The following SLC30A8 variants were observed in gnomAD, a reference collection of about 807,000 sequenced individuals.
SLC30A8 encodes the protein proton-coupled zinc antiporter SLC30A8.
A neutral mutation model predicts 36.9 loss-of-function variants in SLC30A8; 27 were observed. The observed-to-expected ratio is 0.73, with a 90% CI of 0.54 to 1.01. The LOEUF (loss-of-function observed/expected upper bound fraction) is 1.01, where lower values mean the gene tolerates loss of function less well. Among genes scored for constraint, SLC30A8 ranks in the 50% least tolerant of loss-of-function variants. SLC30A8 has a pLI of 0.00. For synonymous variants in SLC30A8, 164 were observed against 172.4 expected (o/e 0.95, Z 0.38); for missense variants, 439 against 452.0 (o/e 0.97, Z 0.26).
At chr8:116,966,002 GC>G (rs1814588075) in intron 1 of SLC30A8, among the ~76,000 whole-genome samples, 1 of 151,246 alleles carries the variant, frequency 6.6e-6, no homozygotes, top group Non-Finnish European at 1.5e-5. Flanking sequence ...TCCTGCCTCA[GC>G]CTTCCAAGTA....
At chr8:117,112,513 G>A (rs374152876) in intron 2 of SLC30A8, among the ~76,000 whole-genome samples, 18 of 152,250 alleles carry the variant, frequency 1.2e-4, no homozygotes, top group East Asian at 7.8e-4. Context: ...AGCTGGGAGG[G>A]AGAAAGCCCC....
chr8:117,166,956 G>A (rs1238483391), intron 6 of SLC30A8, among the ~76,000 whole-genome samples: 3 of 151,636 alleles, frequency 2.0e-5, no homozygotes, highest in East Asian at 1.9e-4. Context: ...AATGGATAAC[G>A]GAGTCAAATG....
Position 117,176,375 on chromosome 8 carries a change from G to T in SLC30A8, c.*3694G>T, listed in dbSNP as rs1823688177. On this transcript the variant is annotated 3_prime_UTR_variant, in exon 8 of 8. Transcript: ENST00000456015. ...TAGCTCTAAAGTGCCTCCAGGAAAT[G>T]ATTTTCTCAGCTCATCTCTCTGTAT... The T allele has an allele frequency of 1.3e-5, 2 of 152,466 alleles. No homozygotes were observed. The highest frequency in any genetic ancestry group is 4.1e-4 in the South Asian group (2 of 4,826). The allele number at this position is 152,466 out of a possible 1,614,324, so 9.4% of individuals were successfully genotyped here.
At chr8:117,073,414 C>T (rs1047663130) in intron 2 of SLC30A8, among the ~76,000 whole-genome samples, 1 of 151,948 alleles carries the variant, frequency 6.6e-6, no homozygotes, top group Non-Finnish European at 1.5e-5. Flanking sequence ...CCATCATGCC[C>T]AGCTAACTTG....
intron 2 of SLC30A8, among the ~76,000 whole-genome samples, chr8:117,090,499 C>G (rs909191686): frequency 1.3e-5 from 2 of 152,172 alleles, no homozygotes; most frequent in African/African-American, 4.8e-5. Context: ...AAAGCACTGG[C>G]AGATTTGTTG....
chr8:117,029,217 T>G (rs1294042511), intron 1 of SLC30A8, among the ~76,000 whole-genome samples: 1 of 152,198 alleles, frequency 6.6e-6, no homozygotes, highest in African/African-American at 2.4e-5. Context: ...GTCGATGAGT[T>G]CATGATCTTA....
chr8:117,172,784 A>C lies in SLC30A8; in HGVS notation c.*103A>C, dbSNP rs531402641. ...AATAAGGAACCAAAGGAAGAAATTC[A>C]TGTCATGGTGCAATGCACATTTTAT... On this transcript the variant is annotated 3_prime_UTR_variant, in exon 8 of 8. Coordinates refer to ENST00000456015, the MANE Select transcript of SLC30A8 (RefSeq NM_173851.3). 16 of 1,375,470 alleles carry C rather than the reference A, an allele frequency of 1.2e-5. No homozygotes were observed. The highest frequency in any genetic ancestry group is 1.6e-5 in the Non-Finnish European group (16 of 988,650). The allele number at this position is 1,375,470 out of a possible 1,614,324, so 85.2% of individuals were successfully genotyped here. A position where few individuals can be genotyped will look rare whatever the true frequency, so the allele number is the denominator to read the frequency against.
intron 1 of SLC30A8, among the ~76,000 whole-genome samples, chr8:117,021,436 CCA>C (rs903210985): frequency 1.3e-5 from 2 of 152,092 alleles, no homozygotes; most frequent in South Asian, 2.1e-4. Flanking sequence ...CTCCAACCAG[CCA>C]CAGTGTCCTC....
chr8:117,148,507 TTAAC>T (rs1272870117), intron 2 of SLC30A8, among the ~76,000 whole-genome samples: 13 of 152,162 alleles, frequency 8.5e-5, no homozygotes, highest in Non-Finnish European at 1.3e-4. Flanking sequence ...GATTTTTAAT[TTAAC>T]AAAGAAAAGC....
chr8:117,077,802 T>C (rs182535102), intron 2 of SLC30A8, among the ~76,000 whole-genome samples: 97 of 152,352 alleles, frequency 6.4e-4, no homozygotes, highest in Admixed American at 1.6e-3. Context: ...TTCAGATTAT[T>C]GGCAATCTTT....
intron 2 of SLC30A8, among the ~76,000 whole-genome samples, chr8:117,086,461 T>C (rs1818881683): frequency 6.6e-6 from 1 of 152,226 alleles, no homozygotes. Flanking sequence ...GCAATGACAA[T>C]ATATTTTTCA....
intron 2 of SLC30A8, among the ~76,000 whole-genome samples, chr8:117,148,360 T>G (rs1269978846): frequency 6.6e-6 from 1 of 152,142 alleles, no homozygotes; most frequent in Admixed American, 6.5e-5. Context: ...TTTTTATATT[T>G]CTTTAATCAC....
chr8:116,979,511 A>G (rs1815183557), intron 1 of SLC30A8, among the ~76,000 whole-genome samples: 1 of 152,156 alleles, frequency 6.6e-6, no homozygotes, highest in Admixed American at 6.5e-5. Flanking sequence ...TGAGACTTTA[A>G]CGAATCTTTG....
chr8:117,054,098 CTTTT>C (rs4060800), intron 2 of SLC30A8, among the ~76,000 whole-genome samples: 10 of 124,130 alleles, frequency 8.1e-5, no homozygotes, highest in African/African-American at 2.2e-4. Flanking sequence ...CTGCAAAAAT[CTTTT>C]TTTTTTTTTT....
intron 2 of SLC30A8, among the ~76,000 whole-genome samples, chr8:117,119,859 GA>G (rs1820615778): frequency 6.6e-6 from 1 of 151,734 alleles, no homozygotes; most frequent in South Asian, 2.1e-4. Context: ...TATCAGAAAA[GA>G]AAATTAAGAA....
At chr8:117,111,378 G>GTA (rs1820219542) in intron 2 of SLC30A8, among the ~76,000 whole-genome samples, 1 of 152,160 alleles carries the variant, frequency 6.6e-6, no homozygotes, top group Non-Finnish European at 1.5e-5. Context: ...GACTTTAGCA[G>GTA]TAGACCACTC....
rs890099862 is a variant in SLC30A8 at position 117,176,673 on chromosome 8, ATGT to A, written c.*3994_*3996del. Reference sequence around the variant, plus strand: ...GCACCTGTTTAAATTCTATTTTAAAATGTTAATGTGTGTTGTTTAAAATAAAAT... The same window carrying A: ...GCACCTGTTTAAATTCTATTTTAAAATAATGTGTGTTGTTTAAAATAAAAT... On this transcript the variant is annotated 3_prime_UTR_variant, in exon 8 of 8. Coordinates refer to ENST00000456015, the MANE Select transcript of SLC30A8 (RefSeq NM_173851.3). 1 of 152,534 alleles carries A rather than the reference ATGT, an allele frequency of 6.6e-6. No individual in the cohort carries two copies. The highest frequency in any genetic ancestry group is 2.4e-5 in the African/African-American group (1 of 41,442). The allele number at this position is 152,534 out of a possible 1,614,324, so 9.4% of individuals were successfully genotyped here.
rs137928848 is a variant in SLC30A8, at chr8:116,953,329, T to C, written c.-266+2210T>C. ...ACAAAGGAGAATTTTATATCTCTTA[T>C]GCTTTCTCTTCCTAATCCCTTTATT... On this transcript the variant is annotated intron_variant, in intron 1 of 10. Transcript: ENST00000427715. Among the ~76,000 whole-genome samples the C allele has an allele frequency of 8.3e-3, 1,268 of 152,350 alleles. 24 individuals carry two copies. The highest frequency in any genetic ancestry group is 0.029 in the African/African-American group (1,222 of 41,570).
chr8:117,096,757 T>C (rs2130843523), intron 2 of SLC30A8, among the ~76,000 whole-genome samples: 1 of 152,254 alleles, frequency 6.6e-6, no homozygotes, highest in East Asian at 1.9e-4. Context: ...CCTGCAAAGA[T>C]GGAGCAAAGT....
Sources: gnomAD v4.1 joint callset for allele counts (sites outside exome capture counted in the v4.1 genomes callset) on GRCh38, gnomAD v4.1.1 for gene constraint, MANE v1.5 for transcripts, NCBI Gene and HGNC (gene_info 2026-07-23, HGNC 2026-07-21) for gene names.